AIG1: variants seen among roughly 807,000 people sequenced by gnomAD.
AIG1 encodes the protein androgen induced 1.
In AIG1, 23 loss-of-function variants were observed where a neutral mutation model predicts 31.4. The observed-to-expected ratio is 0.73, with a 90% CI of 0.53 to 1.04. The LOEUF (loss-of-function observed/expected upper bound fraction) is 1.04, where lower values mean the gene tolerates loss of function less well. Among genes scored for constraint, AIG1 ranks in the 50% least tolerant of loss-of-function variants. The pLI is 0.00. For missense variants in AIG1, 274 were observed against 295.0 expected (o/e 0.93, Z 0.52); for synonymous variants, 100 against 110.5 (o/e 0.90, Z 0.60).
At chr6:143,260,369 A>G (rs1484232473) in intron 3 of AIG1, among the ~76,000 whole-genome samples, 1 of 152,116 alleles carries the variant, frequency 6.6e-6, no homozygotes, top group East Asian at 1.9e-4. Flanking sequence ...CAACTTCTTC[A>G]GTTCAGTATA....
intron 5 of AIG1, among the ~76,000 whole-genome samples, chr6:143,337,206 C>T (rs1559599): frequency 0.14 from 21,355 of 152,206 alleles, 1,779 homozygotes; most frequent in East Asian, 0.4. Context: ...CTGTCCCTTT[C>T]AGTCCATGCT....
At chr6:143,247,611 G>A (rs1256119918) in intron 3 of AIG1, among the ~76,000 whole-genome samples, 3 of 152,220 alleles carry the variant, frequency 2.0e-5, no homozygotes, top group African/African-American at 7.2e-5. Context: ...AGTAGCCAAG[G>A]GAAATGGCCA....
intron 3 of AIG1, among the ~76,000 whole-genome samples, chr6:143,235,708 T>G (rs1016557172): frequency 1.3e-5 from 2 of 152,090 alleles, no homozygotes; most frequent in African/African-American, 4.8e-5. Context: ...TGTATTTAGG[T>G]TTTACGTGAC....
intron 4 of AIG1, among the ~76,000 whole-genome samples, chr6:143,332,006 G>A (rs146843272): frequency 0.12 from 17,678 of 151,490 alleles, 1,246 homozygotes; most frequent in African/African-American, 0.2. Context: ...CGAGTAGCTG[G>A]GATTACAGGC....
At chr6:143,174,522 T>C (rs371530805) in intron 3 of AIG1, among the ~76,000 whole-genome samples, 45 of 151,056 alleles carry the variant, frequency 3.0e-4, no homozygotes, top group African/African-American at 1.1e-3. Flanking sequence ...AAGCTACTCC[T>C]GCTCACTTTT....
chr6:143,203,364 A>G (rs932958646), intron 3 of AIG1, among the ~76,000 whole-genome samples: 1 of 152,228 alleles, frequency 6.6e-6, no homozygotes, highest in Admixed American at 6.5e-5. Context: ...CCACAGCCAG[A>G]TGGAATAGTG....
intron 1 of AIG1, among the ~76,000 whole-genome samples, chr6:143,094,912 T>C (rs1779618329): frequency 6.6e-6 from 1 of 152,154 alleles, no homozygotes; most frequent in Admixed American, 6.5e-5. Context: ...GAAAAAGGTG[T>C]AGTCTCAGTG....
intron 4 of AIG1, among the ~76,000 whole-genome samples, chr6:143,314,655 A>G (rs1375170799): frequency 6.6e-6 from 1 of 152,156 alleles, no homozygotes; most frequent in Admixed American, 6.6e-5. Context: ...CTCACAAAAG[A>G]AAGTAGATGT....
intron 4 of AIG1, among the ~76,000 whole-genome samples, chr6:143,289,939 G>A (rs182773735): frequency 7.2e-5 from 11 of 152,220 alleles, no homozygotes; most frequent in South Asian, 4.1e-4. Context: ...AAATCTGGCC[G>A]ACACGTGTTC....
At chr6:143,221,260 A>T (rs1294748087) in intron 3 of AIG1, among the ~76,000 whole-genome samples, 1 of 152,140 alleles carries the variant, frequency 6.6e-6, no homozygotes, top group African/African-American at 2.4e-5. Context: ...AGGTTTTCAT[A>T]CTATATCCAG....
In AIG1 at chr6:143,291,546, T is replaced by A. The variant is rs1583760184; in HGVS notation, c.515+7321T>A. 6.6e-6 allele frequency among the ~76,000 whole-genome samples: 1 copy of A among 152,186 alleles called. No individual in the cohort carries two copies. Among genetic ancestry groups the A allele is most frequent in the African/African-American group, 2.4e-5 (1 of 41,430 alleles). On this transcript the variant is annotated intron_variant, in intron 4 of 5. Transcript: ENST00000357847. This position sits in a 1 kb window ranked among gnomAD's most constrained non-coding sequence, Gnocchi z 4.2. Reference sequence around the variant, plus strand: ...TCAGTGGGAAGCAGGGATTTGCCAATGACAGGGAAAGCCCCTTGCATAAGC... The same window carrying A: ...TCAGTGGGAAGCAGGGATTTGCCAAAGACAGGGAAAGCCCCTTGCATAAGC...
At chr6:143,081,542 T>C (rs1468692757) in intron 1 of AIG1, among the ~76,000 whole-genome samples, 1 of 151,510 alleles carries the variant, frequency 6.6e-6, no homozygotes, top group East Asian at 1.9e-4. Flanking sequence ...GCCTGTTCTT[T>C]GTTCTCCTGA....
At chr6:143,210,775 A>G (rs1278568997) in intron 3 of AIG1, among the ~76,000 whole-genome samples, 1 of 152,214 alleles carries the variant, frequency 6.6e-6, no homozygotes, top group East Asian at 1.9e-4. Flanking sequence ...CCAACATGGC[A>G]GAGAAACTGG....
At chr6:143,090,197 T>C (rs1779169239) in intron 1 of AIG1, among the ~76,000 whole-genome samples, 1 of 152,206 alleles carries the variant, frequency 6.6e-6, no homozygotes, top group African/African-American at 2.4e-5. Context: ...TCTAGCTGTT[T>C]CTTTGACAAA....
intron 4 of AIG1, among the ~76,000 whole-genome samples, chr6:143,323,644 T>A (rs1468637965): frequency 6.6e-6 from 1 of 152,146 alleles, no homozygotes; most frequent in Non-Finnish European, 1.5e-5. Context: ...TGTTTCCATC[T>A]AAGCTGATGT....
chr6:143,123,109 C>T (rs937062695), intron 1 of AIG1, among the ~76,000 whole-genome samples: 13 of 152,106 alleles, frequency 8.5e-5, no homozygotes, highest in African/African-American at 2.9e-4. Flanking sequence ...CCTTATGGGG[C>T]CCTCCGCATT....
intron 4 of AIG1, among the ~76,000 whole-genome samples, chr6:143,312,984 G>A (rs1775426193): frequency 6.6e-6 from 1 of 152,072 alleles, no homozygotes; most frequent in Non-Finnish European, 1.5e-5. Flanking sequence ...TTAGAGAAGT[G>A]CAAATCAAAA....
At chr6:143,300,788 A>T (rs1472603214) in intron 4 of AIG1, among the ~76,000 whole-genome samples, 2 of 152,196 alleles carry the variant, frequency 1.3e-5, no homozygotes, top group Admixed American at 6.5e-5. Context: ...TATATTTTTT[A>T]AATTGTATAC....
chr6:143,302,035 A>G (rs1301034679), intron 4 of AIG1, among the ~76,000 whole-genome samples: 1 of 152,138 alleles, frequency 6.6e-6, no homozygotes, highest in Non-Finnish European at 1.5e-5. Flanking sequence ...CTGGAGACAA[A>G]TAGAACTCAA....
Sources: gnomAD v4.1 joint callset for allele counts (sites outside exome capture counted in the v4.1 genomes callset) on GRCh38, gnomAD v4.1.1 for gene constraint, Gnocchi (gnomAD v3.1) non-coding constraint, MANE v1.5 for transcripts, NCBI Gene and HGNC (gene_info 2026-07-23, HGNC 2026-07-21) for gene names.